Variants in TRIO observed in about 807,000 individuals in gnomAD.
TRIO encodes trio Rho guanine nucleotide exchange factor.
In TRIO, 58 loss-of-function variants were observed where a neutral mutation model predicts 351.9. The ratio of observed to expected loss-of-function variants is 0.16; its 90% CI spans 0.13 to 0.21. The LOEUF (loss-of-function observed/expected upper bound fraction) is 0.21, where lower values mean the gene tolerates loss of function less well. TRIO is among the 10% of genes least tolerant of loss of function. TRIO has a pLI of 1.00. For missense variants in TRIO, 3,201 were observed against 4,027.8 expected (o/e 0.79, Z 5.56); for synonymous variants, 1,758 against 1,595.7 (o/e 1.10, Z -2.42).
chr5:14,324,980 G>A (rs1740236291), intron 9 of TRIO, among the ~76,000 whole-genome samples: 5 of 152,128 alleles, frequency 3.3e-5, no homozygotes, highest in Admixed American at 3.3e-4. Context: ...AAAAATATTT[G>A]GAATTTCAGA....
At chr5:14,503,914 A>C (rs1757469253) in intron 54 of TRIO, among the ~76,000 whole-genome samples, 1 of 152,208 alleles carries the variant, frequency 6.6e-6, no homozygotes, top group African/African-American at 2.4e-5. Context: ...GTGGGTCATC[A>C]GGGGCAGCTC....
chr5:14,261,838 A>C (rs1795363150), intron 1 of TRIO, among the ~76,000 whole-genome samples: 1 of 152,336 alleles, frequency 6.6e-6, no homozygotes, highest in South Asian at 2.1e-4. Context: ...CTTAAGGTAA[A>C]AACCCTTTTC....
chr5:14,365,724 C>T (rs1744537219), intron 15 of TRIO, among the ~76,000 whole-genome samples: 3 of 152,190 alleles, frequency 2.0e-5, no homozygotes, highest in Non-Finnish European at 4.4e-5. Context: ...AAGGTGTTTT[C>T]CGCATGTGAC....
intron 40 of TRIO, 46 bp from the exon 41 acceptor site, chr5:14,476,848 A>G: frequency 6.8e-7 from 1 of 1,480,538 alleles, no homozygotes; most frequent in Non-Finnish European, 9.2e-7. Context: ...CTAAAATTAG[A>G]AGGCCACACT....
In TRIO at chr5:14,291,788, T is replaced by TAAAA. The variant is rs57424190; in HGVS notation, c.1053+585_1053+588dup. 3.3e-4 allele frequency among the ~76,000 whole-genome samples: 33 copies of TAAAA among 100,944 alleles called. 1 individual carries two copies. Among genetic ancestry groups the TAAAA allele is most frequent in the African/African-American group, 1.4e-3 (32 of 22,530 alleles). The allele number at this position is 100,944 out of a possible 152,430, so 66.2% of individuals were successfully genotyped here. A position where few individuals can be genotyped will look rare whatever the true frequency, so the allele number is the denominator to read the frequency against. On this transcript the variant is annotated intron_variant, in intron 5 of 56. Transcript: ENST00000344204. Reference sequence around the variant, plus strand: ...TGGGCGACAGAGTGAGACTCCGTCTTAAAAAAAAAAAAAAAAAAAAAAAAA... The same window carrying TAAAA: ...TGGGCGACAGAGTGAGACTCCGTCTTAAAAAAAAAAAAAAAAAAAAAAAAAAAAA...
intron 11 of TRIO, among the ~76,000 whole-genome samples, chr5:14,352,370 G>C (rs1038719226): frequency 1.3e-5 from 2 of 152,208 alleles, no homozygotes; most frequent in Admixed American, 1.3e-4. Context: ...CAACTCTCTT[G>C]CTGCTGGGCA....
intron 34 of TRIO, chr5:14,441,095 T>A (rs1752001515): frequency 6.6e-6 from 1 of 152,490 alleles, no homozygotes; most frequent in Non-Finnish European, 1.5e-5. Context: ...ACGCTGCCAG[T>A]CTGTGTGCCT....
In TRIO at chr5:14,497,901, C is replaced by G; in HGVS notation, c.8047+27C>G. The G allele has an allele frequency of 6.2e-7, 1 of 1,614,116 alleles. No individual in the cohort carries two copies. Among genetic ancestry groups the G allele is most frequent in the Non-Finnish European group, 8.5e-7 (1 of 1,179,956 alleles). On this transcript the variant is annotated intron_variant, in intron 51 of 56. Coordinates refer to ENST00000344204, the MANE Select transcript of TRIO (RefSeq NM_007118.4). This position sits in a 1 kb window ranked among gnomAD's most constrained non-coding sequence, Gnocchi z 4.4. ...TGAGTTCTGTTCTTTTTCTTCTAGT[C>G]CTAGAGATGATTCTAGACCTGTGGG...
chr5:14,167,024 C>G (rs559999030), intron 1 of TRIO, among the ~76,000 whole-genome samples: 1 of 151,936 alleles, frequency 6.6e-6, no homozygotes, highest in African/African-American at 2.4e-5. Flanking sequence ...CTGCACAATT[C>G]CTCAGTCTCT....
intron 1 of TRIO, among the ~76,000 whole-genome samples, chr5:14,220,090 AC>A: frequency 6.7e-6 from 1 of 148,912 alleles, no homozygotes; most frequent in South Asian, 2.1e-4. Context: ...GTTTCTGGCA[AC>A]CCTGTGTTGA....
chr5:14,212,264 C>T (rs973225073), intron 1 of TRIO, among the ~76,000 whole-genome samples: 3 of 152,066 alleles, frequency 2.0e-5, no homozygotes, highest in African/African-American at 2.4e-5. Context: ...CTATAAGGAC[C>T]AACAGGCGGG....
At chr5:14,167,078 C>G (rs959125515) in intron 1 of TRIO, among the ~76,000 whole-genome samples, 12 of 151,570 alleles carry the variant, frequency 7.9e-5, no homozygotes, top group African/African-American at 2.7e-4. Context: ...TATTTTCTGA[C>G]CGATCACTGG....
chr5:14,481,295 C>G lies in TRIO; in HGVS notation c.6387+11C>G. ...ACATCAGAATTAGAGGTACATGCAT[C>G]AGCGGCTGTGGGCACCCAAATCCCC... On this transcript the variant is annotated intron_variant, in intron 44 of 56. Coordinates refer to ENST00000344204, the MANE Select transcript of TRIO (RefSeq NM_007118.4). The G allele has an allele frequency of 6.2e-7, 1 of 1,613,278 alleles. No homozygotes were observed. The highest frequency in any genetic ancestry group is 8.5e-7 in the Non-Finnish European group (1 of 1,179,786).
At chr5:14,473,854 T>G (rs1034967848) in intron 39 of TRIO, 140 bp from the exon 40 acceptor site, 1 of 672,904 alleles carries the variant, frequency 1.5e-6, no homozygotes, top group Non-Finnish European at 2.4e-6. Context: ...TATCGGTTTT[T>G]TTTGTTTGTT....
intron 1 of TRIO, among the ~76,000 whole-genome samples, chr5:14,255,113 T>C (rs1561256729): frequency 6.6e-6 from 1 of 152,246 alleles, no homozygotes; most frequent in Non-Finnish European, 1.5e-5. Flanking sequence ...TTCAACTCAT[T>C]TGGTAAAAGG....
At chr5:14,256,778 T>G (rs1795043646) in intron 1 of TRIO, among the ~76,000 whole-genome samples, 1 of 152,228 alleles carries the variant, frequency 6.6e-6, no homozygotes. Flanking sequence ...GTTTTGAAGG[T>G]GTTACAGTGT....
rs1271312861 is a variant in TRIO at position 14,504,411 on chromosome 5, T to C, written c.8430T>C (p.Val2810=). The change falls in exon 55 of 57, where the codon GTT becomes GTC. Residue 2810 remains valine, a synonymous_variant. Coordinates refer to ENST00000344204, the MANE Select transcript of TRIO (RefSeq NM_007118.4). The part of the protein sequence containing the change: ...AELGRGRFSV[V]KKCDQKGTKR... ...TTTACAGGGGCAGATTCTCTGTCGT[T>C]AAGAAATGTGATCAGAAAGGAACCA... 6.2e-7 allele frequency: 1 copy of C among 1,614,054 alleles called. No homozygotes were observed. The highest frequency in any genetic ancestry group is 2.2e-5 in the East Asian group (1 of 44,872).
chr5:14,390,379 C>A, intron 26 of TRIO, 79 bp downstream of exon 26: 1 of 1,337,022 alleles, frequency 7.5e-7, no homozygotes, highest in Non-Finnish European at 1.1e-6. Flanking sequence ...GTCTTCATTT[C>A]CTTTAAGTCA....
intron 1 of TRIO, among the ~76,000 whole-genome samples, chr5:14,200,926 A>G (rs1359165226): frequency 6.6e-6 from 1 of 152,166 alleles, no homozygotes; most frequent in African/African-American, 2.4e-5. Flanking sequence ...AATGATTTAG[A>G]AAAATCATTT....
Sources: gnomAD v4.1 joint callset for allele counts (sites outside exome capture counted in the v4.1 genomes callset) on GRCh38, gnomAD v4.1.1 for gene constraint, Gnocchi (gnomAD v3.1) non-coding constraint, MANE v1.5 for transcripts, NCBI Gene and HGNC (gene_info 2026-07-23, HGNC 2026-07-21) for gene names.